CDKL5: variants seen among roughly 807,000 people sequenced by gnomAD.
CDKL5 encodes the protein cyclin dependent kinase like 5, also known as cyclin-dependent kinase-like 5.
Under a neutral mutation model 61.7 loss-of-function variants are expected in CDKL5, and 8 were observed. The observed-to-expected ratio is 0.13, with a 90% confidence interval of 0.08 to 0.23. CDKL5 has a LOEUF of 0.23. CDKL5 is among the 10% of genes least tolerant of loss of function. CDKL5 has a pLI of 1.00. For missense variants in CDKL5, 440 were observed against 734.5 expected (o/e 0.60, Z 4.63); for synonymous variants, 275 against 272.3 (o/e 1.01, Z -0.10).
chrX:18,451,381 G>A (rs912690345), intron 1 of CDKL5, among the ~76,000 whole-genome samples: 2 of 110,564 alleles, frequency 1.8e-5, no homozygotes, highest in African/African-American at 6.6e-5. Context: ...TAGTAGAGGC[G>A]GGGTTTCTCC....
In CDKL5 at chrX:18,583,524, C is replaced by T. The variant is rs141029818; in HGVS notation, c.464-739C>T. ...AGTATTTTCCATGTCTCAAAACTGA[C>T]GTACACCTTGATTTTTACTCTTAAT... is the stretch of plus-strand genomic sequence containing the variant. On this transcript the variant is annotated intron_variant, in intron 7 of 17. Transcript: ENST00000623535. Among the ~76,000 whole-genome samples, 521 of 112,013 alleles carry T rather than the reference C, an allele frequency of 4.7e-3. 3 individuals carry two copies. The highest frequency in any genetic ancestry group is 0.015 in the African/African-American group (473 of 30,892).
chrX:18,499,435 A>T (rs1602226705), intron 1 of CDKL5, among the ~76,000 whole-genome samples: 1 of 98,737 alleles, frequency 1.0e-5, no homozygotes, highest in Non-Finnish European at 2.0e-5. Flanking sequence ...ATCTCGGCTC[A>T]CTGTAAGCTC....
chrX:18,547,010 CT>C (rs1339123613), intron 3 of CDKL5, among the ~76,000 whole-genome samples: 1 of 111,980 alleles, frequency 8.9e-6, no homozygotes, highest in Non-Finnish European at 1.9e-5. Context: ...TGCACCAGTA[CT>C]CTATTGAATT....
intron 1 of CDKL5, among the ~76,000 whole-genome samples, chrX:18,502,405 C>T (rs993372189): frequency 3.6e-5 from 4 of 111,467 alleles, no homozygotes; most frequent in Admixed American, 1.9e-4. Flanking sequence ...TTTTTGATTC[C>T]AGTGAACTAA....
chrX:18,496,572 A>C (rs1348911588), intron 1 of CDKL5, among the ~76,000 whole-genome samples: 1 of 111,596 alleles, frequency 9.0e-6, no homozygotes, highest in African/African-American at 3.3e-5. Flanking sequence ...GCTTGGCTGC[A>C]CTATGGAGAT....
intron 1 of CDKL5, among the ~76,000 whole-genome samples, chrX:18,431,633 G>T (rs778653535): frequency 9.2e-6 from 1 of 108,540 alleles, no homozygotes; most frequent in African/African-American, 3.3e-5. Flanking sequence ...CACCATGTTA[G>T]CCAGGATGGT....
intron 16 of CDKL5, chrX:18,623,813 T>C (rs1926957358): frequency 3.3e-6 from 2 of 609,884 alleles, no homozygotes; most frequent in African/African-American, 2.5e-5. Flanking sequence ...TTCCAAGGGC[T>C]AGTAGTTTCA....
At chrX:18,567,717 C>T (rs1378698430) in intron 4 of CDKL5, among the ~76,000 whole-genome samples, 1 of 111,301 alleles carries the variant, frequency 9.0e-6, no homozygotes, top group African/African-American at 3.3e-5. Flanking sequence ...CCTGTTTCTA[C>T]AAAAAATTTT....
chrX:18,642,845 G>A, downstream of CDKL5, among the ~76,000 whole-genome samples: 1 of 109,770 alleles, frequency 9.1e-6, no homozygotes, highest in East Asian at 2.9e-4. Flanking sequence ...TTTGAGACCA[G>A]CCTGGCCAAC....
At chrX:18,621,183 T>C (rs1926877418) in intron 16 of CDKL5, among the ~76,000 whole-genome samples, 1 of 112,284 alleles carries the variant, frequency 8.9e-6, no homozygotes, top group Non-Finnish European at 1.9e-5. Flanking sequence ...AGACCCAGTG[T>C]TTCTGAGGCC....
At chrX:18,473,632 A>G (rs1842940570) in intron 1 of CDKL5, among the ~76,000 whole-genome samples, 1 of 109,802 alleles carries the variant, frequency 9.1e-6, no homozygotes, top group African/African-American at 3.3e-5. Flanking sequence ...GTTGAGTTAG[A>G]TATCTCAGAC....
chrX:18,507,218 AC>A lies in CDKL5; in HGVS notation c.64+60del. 4 of 794,572 alleles carry A rather than the reference AC, an allele frequency of 5.0e-6. No homozygotes were observed. In the South Asian group the frequency reaches 8.2e-5, roughly 16 times the overall value. 65.5% of individuals were successfully genotyped at this position (794,572 alleles called of 1,213,427 possible). On this transcript the variant is annotated intron_variant, in intron 2 of 17. Transcript: ENST00000623535. ...GAGCAATGAACAGTTAGTTATTCCT[AC>A]CACCAAAAAGTTACTAATTAGATCC... is the stretch of plus-strand genomic sequence containing the variant.
Position 18,630,706 on chromosome X carries a change from C to G in CDKL5, c.*1949C>G, listed in dbSNP as rs1024397745. 2.0e-5 allele frequency: 15 copies of G among 747,084 alleles called. No individual in the cohort carries two copies. In the African/African-American group the frequency reaches 3.3e-4, roughly 16 times the overall value. 61.6% of individuals were successfully genotyped at this position (747,084 alleles called of 1,213,427 possible). A position where few individuals can be genotyped will look rare whatever the true frequency, so the allele number is the denominator to read the frequency against. Reference sequence around the variant, plus strand: ...TTAATTTTAATGAGTGTAATAGGCACTAAAATGAAACTCGACTGGGTACTA... The same window carrying G: ...TTAATTTTAATGAGTGTAATAGGCAGTAAAATGAAACTCGACTGGGTACTA... On this transcript the variant is annotated 3_prime_UTR_variant, in exon 18 of 18. Transcript: ENST00000623535.
intron 1 of CDKL5, 80 bp downstream of exon 1, chrX:18,425,775 A>G (rs1273667564): frequency 9.0e-6 from 1 of 111,228 alleles, no homozygotes; most frequent in Admixed American, 9.3e-5. Flanking sequence ...TTCTCCTGAG[A>G]GTGGAGACCC....
chrX:18,592,565 A>G (rs886333481), intron 9 of CDKL5, among the ~76,000 whole-genome samples: 1 of 112,488 alleles, frequency 8.9e-6, no homozygotes, highest in Non-Finnish European at 1.9e-5. Flanking sequence ...GCTGCTTACA[A>G]ACATCCTTCA....
chrX:18,572,550 A>C (rs1925167002), intron 4 of CDKL5, among the ~76,000 whole-genome samples: 1 of 111,927 alleles, frequency 8.9e-6, no homozygotes, highest in African/African-American at 3.3e-5. Flanking sequence ...TGTAGAAGAC[A>C]CCTAGGGACA....
At chrX:18,608,467 A>G (rs1246093134) in intron 12 of CDKL5, among the ~76,000 whole-genome samples, 2 of 111,903 alleles carry the variant, frequency 1.8e-5, no homozygotes, top group African/African-American at 3.2e-5. Context: ...GAAATTTCAG[A>G]TAAACTAATA....
At chrX:18,518,792 C>T (rs1248503912) in intron 3 of CDKL5, among the ~76,000 whole-genome samples, 1 of 108,405 alleles carries the variant, frequency 9.2e-6, no homozygotes, top group Non-Finnish European at 1.9e-5. Context: ...AGTGTGAAAC[C>T]TTTCCCTTTT....
chrX:18,598,618 A>T lies in CDKL5; in HGVS notation c.977+5A>T. ...AAGCAGCACATTGTCTAATAGGTAA[A>T]TATTCCCTTTTAAGGAAATACAGAT... On this transcript the variant is annotated splice_donor_5th_base_variant and intron_variant, in intron 11 of 17. Coordinates refer to ENST00000623535, the MANE Select transcript of CDKL5 (RefSeq NM_001323289.2). 1 of 1,206,718 alleles carries T rather than the reference A, an allele frequency of 8.3e-7. No homozygotes were observed. Among genetic ancestry groups the T allele is most frequent in the East Asian group, 3.0e-5 (1 of 33,803 alleles).
Sources: allele counts gnomAD v4.1 joint callset (sites outside exome capture counted in the v4.1 genomes callset), GRCh38; gene constraint gnomAD v4.1.1; transcripts MANE v1.5; gene names NCBI Gene and HGNC (gene_info 2026-07-23, HGNC 2026-07-21).